SESN1: variants seen among roughly 807,000 people sequenced by gnomAD.
SESN1 encodes sestrin 1.
Under a neutral mutation model 59.3 loss-of-function variants are expected in SESN1, and 30 were observed. The ratio of observed to expected loss-of-function variants is 0.51; its 90% confidence interval spans 0.38 to 0.69. SESN1 has a LOEUF of 0.69. Among genes scored for constraint, SESN1 ranks in the 30% least tolerant of loss-of-function variants. The pLI, the probability that SESN1 is intolerant of heterozygous loss-of-function variation, is 0.00. For synonymous variants in SESN1, 197 were observed against 219.9 expected (o/e 0.90, Z 0.92); for missense variants, 566 against 673.0 (o/e 0.84, Z 1.76).
At chr6:109,060,273 T>A (rs947538275) in intron 1 of SESN1, among the ~76,000 whole-genome samples, 4 of 152,212 alleles carry the variant, frequency 2.6e-5, no homozygotes, top group Non-Finnish European at 5.9e-5. Flanking sequence ...AATTTTTAGA[T>A]AAGTATTTTA....
intron 1 of SESN1, among the ~76,000 whole-genome samples, chr6:109,065,386 T>G (rs557252387): frequency 3.9e-5 from 6 of 152,348 alleles, no homozygotes; most frequent in Non-Finnish European, 8.8e-5. Context: ...TTGTTTCTTT[T>G]TATTTTTCCA....
chr6:109,064,940 T>A (rs1355627854), intron 1 of SESN1, among the ~76,000 whole-genome samples: 1 of 152,130 alleles, frequency 6.6e-6, no homozygotes, highest in Non-Finnish European at 1.5e-5. Flanking sequence ...CTAAATGTCT[T>A]CATATTACAT....
At chr6:109,072,066 T>C (rs1434551722) in intron 1 of SESN1, among the ~76,000 whole-genome samples, 1 of 152,128 alleles carries the variant, frequency 6.6e-6, no homozygotes, top group Non-Finnish European at 1.5e-5. Flanking sequence ...TTGTAGCATC[T>C]TCCAAAATAA....
chr6:109,089,121 C>G (rs1583302247), intron 1 of SESN1, among the ~76,000 whole-genome samples: 1 of 151,748 alleles, frequency 6.6e-6, no homozygotes, highest in Non-Finnish European at 1.5e-5. Flanking sequence ...ACCTTGTCAT[C>G]GTTTCTCCCT....
At chr6:109,028,853 C>A (rs1399618160) in intron 1 of SESN1, among the ~76,000 whole-genome samples, 1 of 152,122 alleles carries the variant, frequency 6.6e-6, no homozygotes, top group African/African-American at 2.4e-5. Flanking sequence ...CCCAAACTTT[C>A]CAATAAATCT....
At chr6:108,989,426 T>C (rs991302113) in intron 8 of SESN1, among the ~76,000 whole-genome samples, 2 of 151,562 alleles carry the variant, frequency 1.3e-5, no homozygotes, top group Non-Finnish European at 2.9e-5. Flanking sequence ...GATCTAGAGA[T>C]ATATATCTAG....
chr6:109,094,189 G>A lies in SESN1; in HGVS notation c.-116C>T. 3 of 1,168,132 alleles carry A rather than the reference G, an allele frequency of 2.6e-6. No homozygotes were observed. The highest frequency in any genetic ancestry group is 3.6e-6 in the Non-Finnish European group (3 of 833,658). The allele number at this position is 1,168,132 out of a possible 1,614,324, so 72.4% of individuals were successfully genotyped here. On this transcript the variant is annotated 5_prime_UTR_variant, in exon 1 of 10. Transcript: ENST00000436639. ...AAAATCAGAGAAATCAAATCGTCAT[G>A]AAAACACACATCTGGGTGACATTTG...
At chr6:109,082,613 T>C (rs949421168) in intron 1 of SESN1, among the ~76,000 whole-genome samples, 2 of 152,226 alleles carry the variant, frequency 1.3e-5, no homozygotes, top group African/African-American at 4.8e-5. Flanking sequence ...CTCTCCCTGC[T>C]GGTGCCATGC....
At chr6:109,040,102 G>A (rs757969434) in intron 1 of SESN1, among the ~76,000 whole-genome samples, 1 of 152,152 alleles carries the variant, frequency 6.6e-6, no homozygotes, top group Non-Finnish European at 1.5e-5. Flanking sequence ...TATCTTTAGC[G>A]TAAAAACTTC....
chr6:108,987,256 G>A lies in SESN1; in HGVS notation c.*288C>T. 3.5e-6 allele frequency: 1 copy of A among 289,382 alleles called. No homozygotes were observed. Among genetic ancestry groups the A allele is most frequent in the Non-Finnish European group, 6.4e-6 (1 of 157,070 alleles). 17.9% of individuals were successfully genotyped at this position (289,382 alleles called of 1,614,324 possible). A position where few individuals can be genotyped will look rare whatever the true frequency, so the allele number is the denominator to read the frequency against. ...TAACATAAAAGCAACAGGATTTGGA[G>A]AGTTACTATTTGCTGTATTAAAACA... On this transcript the variant is annotated 3_prime_UTR_variant, in exon 10 of 10. Transcript: ENST00000436639.
Position 109,084,283 on chromosome 6 carries a change from A to G in SESN1, c.279+9512T>C, listed in dbSNP as rs180923330. Among the ~76,000 whole-genome samples the G allele has an allele frequency of 2.6e-5, 4 of 152,316 alleles. No individual in the cohort carries two copies. The East Asian group carries it at 7.7e-4, about 29-fold the overall frequency. On this transcript the variant is annotated intron_variant, in intron 1 of 9. Transcript: ENST00000436639. ...TGTTTAAAAGCTTAGGAATTAGGCC[A>G]GGCACAGTGGCTCACGCCTGTAATC...
chr6:109,026,725 G>A (rs1283176785), intron 1 of SESN1, among the ~76,000 whole-genome samples: 1 of 151,876 alleles, frequency 6.6e-6, no homozygotes, highest in Non-Finnish European at 1.5e-5. Context: ...GGATGGTCTC[G>A]ATCTCTTGAC....
In SESN1 at chr6:108,994,483, T is replaced by A. The variant is rs371879536; in HGVS notation, c.1099A>T (p.Ser367Cys). ...TTACCTGAAGAGAAGACAAACATAC[T>A]CTCTCTTTTTTCTATTTCAAAACGT... ...ASRFEIEKRE[S>C]MFVFSSDDEE... is the part of the protein sequence containing the mutation. Residue 367 changes from serine to cysteine, a missense_variant, in exon 6 of 10, where the codon AGT becomes TGT. By Grantham distance (112) the Ser-to-Cys change is moderately radical. Coordinates refer to ENST00000436639, the MANE Select transcript of SESN1 (RefSeq NM_014454.3). 5.0e-5 allele frequency: 80 copies of A among 1,612,550 alleles called. No homozygotes were observed. Among genetic ancestry groups the A allele is most frequent in the Non-Finnish European group, 6.3e-5 (74 of 1,179,224 alleles).
chr6:109,073,472 T>C (rs964767719), intron 1 of SESN1, among the ~76,000 whole-genome samples: 3 of 152,296 alleles, frequency 2.0e-5, no homozygotes, highest in East Asian at 1.9e-4. Flanking sequence ...AAAACATAAG[T>C]GTTGTGACAT....
intron 6 of SESN1, among the ~76,000 whole-genome samples, chr6:108,994,097 G>A (rs77033183): frequency 2.5e-4 from 35 of 138,466 alleles, no homozygotes; most frequent in Middle Eastern, 4.5e-3. Flanking sequence ...CTACAATCAC[G>A]CCACTGCACT....
intron 1 of SESN1, among the ~76,000 whole-genome samples, chr6:109,030,263 C>T (rs1174263465): frequency 6.6e-6 from 1 of 152,064 alleles, no homozygotes; most frequent in Non-Finnish European, 1.5e-5. Context: ...AGAGATATGA[C>T]AATCAAGAAT....
At position 108,985,793 on chromosome 6, in the gene SESN1, G is replaced by C. The variant is rs1051149159; in HGVS notation, c.*1751C>G. ...GTTCAATTGTATTGCTCTGGTGAGA[G>C]AACTCAGCAGCAGGCAGAAGAGGAC... On this transcript the variant is annotated 3_prime_UTR_variant, in exon 10 of 10. Coordinates refer to ENST00000436639, the MANE Select transcript of SESN1 (RefSeq NM_014454.3). 2.0e-5 allele frequency among the ~76,000 whole-genome samples: 3 copies of C among 152,178 alleles called. No individual in the cohort carries two copies. The highest frequency in any genetic ancestry group is 1.3e-4 in the Admixed American group (2 of 15,280).
At chr6:109,020,391 T>A (rs541880980) in intron 1 of SESN1, among the ~76,000 whole-genome samples, 46 of 152,320 alleles carry the variant, frequency 3.0e-4, no homozygotes, top group Non-Finnish European at 4.0e-4. Flanking sequence ...ATAGTGTATT[T>A]TTAGTTAAAA....
intron 1 of SESN1, among the ~76,000 whole-genome samples, chr6:109,038,826 T>C (rs575866795): frequency 2.7e-5 from 4 of 149,896 alleles, no homozygotes; most frequent in East Asian, 2.0e-4. Flanking sequence ...CTGACGGCAA[T>C]TGGGGCAGAA....
Sources: allele counts gnomAD v4.1 joint callset (sites outside exome capture counted in the v4.1 genomes callset), GRCh38; gene constraint gnomAD v4.1.1; transcripts MANE v1.5; gene names NCBI Gene and HGNC (gene_info 2026-07-23, HGNC 2026-07-21).